CFAP418: variants seen among roughly 807,000 people sequenced by gnomAD.
CFAP418 encodes cilia- and flagella-associated protein 418.
Under a neutral mutation model 24.7 loss-of-function variants are expected in CFAP418, and 27 were observed. The observed-to-expected ratio is 1.09, with a 90% CI of 0.81 to 1.51. The LOEUF is 1.51. CFAP418 is among the 40% of genes most tolerant of loss of function. The probability of loss-of-function intolerance (pLI) is 0.00; values close to 1 mark genes in which losing one functional copy is unlikely to be tolerated. For missense variants in CFAP418, 257 were observed against 255.2 expected (o/e 1.01, Z -0.05); for synonymous variants, 74 against 87.3 (o/e 0.85, Z 0.85).
At chr8:95,268,766 G>GGGGCA (rs1812064104) in intron 1 of CFAP418, 3 of 202,994 alleles carry the variant, frequency 1.5e-5, no homozygotes, top group African/African-American at 5.6e-5. Flanking sequence ...GGGGCGGGGC[G>GGGGCA]GGGCGGGGCG....
At chr8:95,260,005 T>C in intron 3 of CFAP418, 100 bp from the exon 4 acceptor site, 1 of 829,136 alleles carries the variant, frequency 1.2e-6, no homozygotes, top group Non-Finnish European at 1.9e-6. Flanking sequence ...ATTGACTTTA[T>C]GTTCTTGTAA....
intron 2 of CFAP418, among the ~76,000 whole-genome samples, chr8:95,262,608 C>T (rs988195331): frequency 5.9e-5 from 9 of 152,088 alleles, no homozygotes; most frequent in Non-Finnish European, 1.2e-4. Context: ...AATTAAAATA[C>T]ATAAATTCTC....
chr8:95,268,624 G>A (rs1429517839), intron 1 of CFAP418, among the ~76,000 whole-genome samples: 1 of 152,048 alleles, frequency 6.6e-6, no homozygotes. Flanking sequence ...ATGCGGCCGA[G>A]GTCAGCACAG....
chr8:95,252,299 A>T lies in CFAP418; in HGVS notation c.375-16T>A, dbSNP rs756845953. 44 of 1,557,744 alleles carry T rather than the reference A, an allele frequency of 2.8e-5. 1 individual carries two copies. The highest frequency in any genetic ancestry group is 2.6e-4 in the Admixed American group (15 of 57,234). ...GTCACATGCTCTGTTCAGAGAAAAA[A>T]AATTGTATATTAAAGATTATTGGTA... is the stretch of plus-strand genomic sequence containing the variant. On this transcript the variant is annotated splice_polypyrimidine_tract_variant and intron_variant, in intron 4 of 5. Transcript: ENST00000286688.
At chr8:95,267,567 C>T (rs1159752134) in intron 1 of CFAP418, among the ~76,000 whole-genome samples, 3 of 151,838 alleles carry the variant, frequency 2.0e-5, no homozygotes, top group Admixed American at 6.6e-5. Context: ...CCAGCCTGGG[C>T]GACAGAGCGA....
At chr8:95,268,145 T>TA (rs1334989198) in intron 1 of CFAP418, among the ~76,000 whole-genome samples, 7 of 152,016 alleles carry the variant, frequency 4.6e-5, no homozygotes, top group East Asian at 1.9e-4. Context: ...CTCCCTGAGT[T>TA]AAAAAAATAA....
chr8:95,268,985 G>T (rs1217890694), intron 1 of CFAP418, 50 bp downstream of exon 1: 2 of 1,577,598 alleles, frequency 1.3e-6, no homozygotes, highest in Non-Finnish European at 8.7e-7. Context: ...CAGCTCTAGG[G>T]CCTGGAGCAG....
In CFAP418 at chr8:95,253,242, G is replaced by A. The variant is rs959645174; in HGVS notation, c.375-959C>T. On this transcript the variant is annotated intron_variant, in intron 4 of 5. Transcript: ENST00000286688. ...GGAGAATGGCGTGAACCCGGGAGGC[G>A]GAGATTGCAGTGAGGGGAGATCGCG... 5.3e-5 allele frequency among the ~76,000 whole-genome samples: 8 copies of A among 151,780 alleles called. No homozygotes were observed. The East Asian group carries it at 9.7e-4, about 18-fold the overall frequency.
At chr8:95,260,240 A>G (rs555918587) in intron 3 of CFAP418, among the ~76,000 whole-genome samples, 2 of 152,354 alleles carry the variant, frequency 1.3e-5, no homozygotes, top group East Asian at 1.9e-4. Flanking sequence ...TTTAAATGGC[A>G]GAAAATTATT....
At chr8:95,251,672 A>G (rs1811711618) in intron 5 of CFAP418, among the ~76,000 whole-genome samples, 1 of 152,194 alleles carries the variant, frequency 6.6e-6, no homozygotes, top group Non-Finnish European at 1.5e-5. Context: ...TCTTGTCCAG[A>G]AGTAACATGT....
At chr8:95,256,850 TAAGTGGA>T (rs1386967309) in intron 4 of CFAP418, among the ~76,000 whole-genome samples, 1 of 152,052 alleles carries the variant, frequency 6.6e-6, no homozygotes, top group Non-Finnish European at 1.5e-5. Context: ...CAGAAAAACA[TAAGTGGA>T]AAGTACAGAA....
rs1811830474 is a variant in CFAP418 at position 95,258,424 on chromosome 8, GA to G, written c.374+1415del. Among the ~76,000 whole-genome samples, 36 of 138,680 alleles carry G rather than the reference GA, an allele frequency of 2.6e-4. No homozygotes were observed. The South Asian group carries it at 8.7e-3, about 33-fold the overall frequency. The allele number at this position is 138,680 out of a possible 152,430, so 91.0% of individuals were successfully genotyped here. ...AAAAGTAAAAAACAATGAAACAATA[GA>G]AAAAAGCTTATAGAATAAGGATACA... On this transcript the variant is annotated intron_variant, in intron 4 of 5. Coordinates refer to ENST00000286688, the MANE Select transcript of CFAP418 (RefSeq NM_177965.4).
At chr8:95,250,379 C>T (rs1811688266) in intron 5 of CFAP418, among the ~76,000 whole-genome samples, 1 of 152,222 alleles carries the variant, frequency 6.6e-6, no homozygotes, top group South Asian at 2.1e-4. Context: ...CAGGCTGCCA[C>T]AGATCTAGGG....
At chr8:95,268,859 G>C (rs1477029064) in intron 1 of CFAP418, 176 bp downstream of exon 1, 30 of 671,510 alleles carry the variant, frequency 4.5e-5, no homozygotes, top group Non-Finnish European at 7.1e-5. Context: ...CAGAATCCGC[G>C]AAGAGGGTCG....
intron 1 of CFAP418, among the ~76,000 whole-genome samples, chr8:95,267,864 T>G (rs35214106): frequency 0.22 from 32,734 of 151,362 alleles, 3,810 homozygotes; most frequent in South Asian, 0.3. Flanking sequence ...AATATTCTTA[T>G]GCAAACATTT....
At position 95,260,576 on chromosome 8, in the gene CFAP418, A is replaced by G. The variant is rs746289055; in HGVS notation, c.244-44T>C. The G allele has an allele frequency of 4.2e-6, 5 of 1,177,672 alleles. No individual in the cohort carries two copies. In the South Asian group the frequency reaches 7.1e-5, roughly 17 times the overall value. The allele number at this position is 1,177,672 out of a possible 1,614,324, so 73.0% of individuals were successfully genotyped here. On this transcript the variant is annotated intron_variant, in intron 2 of 5. Transcript: ENST00000286688. The stretch of plus-strand genomic sequence containing the variant: ...AATAAAAGGCCATGAGTAACTTAGA[A>G]AACTGTAACATGAAAACTAATATTC...
At chr8:95,255,488 T>TA (rs775359628) in intron 4 of CFAP418, among the ~76,000 whole-genome samples, 2 of 152,212 alleles carry the variant, frequency 1.3e-5, no homozygotes, top group Non-Finnish European at 2.9e-5. Flanking sequence ...TCATATTAGT[T>TA]AGAGTGTCCA....
Position 95,247,494 on chromosome 8 carries a change from C to G in CFAP418, c.*123G>C, listed in dbSNP as rs1008419488. ...TCTTCAAAAATGTATGTAGTTGTATCAATAAAATTCACTGCCTTTTCCCAC... is the reference window on the plus strand; with the variant it reads ...TCTTCAAAAATGTATGTAGTTGTATGAATAAAATTCACTGCCTTTTCCCAC... On this transcript the variant is annotated 3_prime_UTR_variant, in exon 6 of 6. Transcript: ENST00000286688. 1.8e-6 allele frequency: 2 copies of G among 1,084,880 alleles called. No individual in the cohort carries two copies. Among genetic ancestry groups the G allele is most frequent in the African/African-American group, 3.1e-5 (2 of 64,404 alleles). The allele number at this position is 1,084,880 out of a possible 1,614,324, so 67.2% of individuals were successfully genotyped here.
At chr8:95,250,219 C>G (rs1413506741) in intron 5 of CFAP418, among the ~76,000 whole-genome samples, 2 of 152,208 alleles carry the variant, frequency 1.3e-5, no homozygotes, top group Admixed American at 1.3e-4. Flanking sequence ...CTGTTCCATT[C>G]TCTTATCTCC....
Sources: gnomAD v4.1 joint callset for allele counts (sites outside exome capture counted in the v4.1 genomes callset) on GRCh38, gnomAD v4.1.1 for gene constraint, MANE v1.5 for transcripts, NCBI Gene and HGNC (gene_info 2026-07-23, HGNC 2026-07-21) for gene names.